Variants in ABCD4 observed in about 807,000 individuals in gnomAD.
The protein encoded by ABCD4 is lysosomal cobalamin transporter ABCD4.
Under a neutral mutation model 86.3 loss-of-function variants are expected in ABCD4, and 53 were observed. The observed-to-expected ratio is 0.61, with a 90% confidence interval of 0.49 to 0.77. The LOEUF (loss-of-function observed/expected upper bound fraction) is 0.77, where lower values mean the gene tolerates loss of function less well. Among genes scored for constraint, ABCD4 ranks in the 30% least tolerant of loss-of-function variants. The pLI is 0.00. For synonymous variants in ABCD4, 328 were observed against 313.6 expected (o/e 1.05, Z -0.49); for missense variants, 757 against 764.5 (o/e 0.99, Z 0.12).
At chr14:74,288,585 G>A (rs1594823694) in intron 15 of ABCD4, 131 bp downstream of exon 15, 1 of 1,043,476 alleles carries the variant, frequency 9.6e-7, no homozygotes, top group Non-Finnish European at 1.4e-6. Context: ...ACTGTCAACT[G>A]ATACTCCCAT....
intron 2 of ABCD4, 185 bp from the exon 3 acceptor site, chr14:74,299,860 G>A (rs1020819149): frequency 4.3e-5 from 26 of 602,950 alleles, no homozygotes; most frequent in Non-Finnish European, 7.0e-5. Context: ...TCATGAGTTC[G>A]AGATCAGCCT....
chr14:74,293,356 G>A, intron 7 of ABCD4, 108 bp from the exon 8 acceptor site: 4 of 983,014 alleles, frequency 4.1e-6, no homozygotes, highest in Non-Finnish European at 6.2e-6. Context: ...CCATTCAAAT[G>A]ATCTTGGTCT....
At chr14:74,289,619 G>C in intron 13 of ABCD4, 100 bp from the exon 14 acceptor site, 1 of 1,541,088 alleles carries the variant, frequency 6.5e-7, no homozygotes, top group Non-Finnish European at 8.7e-7. Context: ...ACCTCCCAAG[G>C]AGGAGAGGTG....
chr14:74,288,382 G>T, intron 15 of ABCD4, 123 bp from the exon 16 acceptor site: 2 of 931,962 alleles, frequency 2.1e-6, no homozygotes, highest in Non-Finnish European at 1.6e-6. Flanking sequence ...ATGCCCCAGT[G>T]GCATACCAAG....
At chr14:74,301,963 A>G (rs1172268801) in intron 1 of ABCD4, among the ~76,000 whole-genome samples, 3 of 151,710 alleles carry the variant, frequency 2.0e-5, no homozygotes, top group Non-Finnish European at 4.4e-5. Context: ...CACCCCCCAG[A>G]CTGATAAACA....
At chr14:74,302,722 G>A (rs1292925436) in intron 1 of ABCD4, among the ~76,000 whole-genome samples, 153 bp downstream of exon 1, 1 of 152,232 alleles carries the variant, frequency 6.6e-6, no homozygotes, top group Admixed American at 6.5e-5. Context: ...GCGGGAGGGC[G>A]GACGCCCCTT....
chr14:74,289,487 G>A lies in ABCD4; in HGVS notation c.1452C>T (p.Asp484=). Residue 484 remains aspartate (D), a synonymous_variant, in exon 14 of 19, where the codon GAC becomes GAT. Coordinates refer to ENST00000356924, the MANE Select transcript of ABCD4 (RefSeq NM_005050.4). ...VIYPLKEVYP[D]SGSADDERIL... is the part of the protein sequence containing the mutation. ...ACCTAAGGAGGACCAGCTCACCTGA[G>A]TCGGGGTAGACCTCCTTCAGGGGAT... The A allele has an allele frequency of 1.9e-6, 3 of 1,613,886 alleles. No individual in the cohort carries two copies. The highest frequency in any genetic ancestry group is 2.5e-6 in the Non-Finnish European group (3 of 1,179,964).
rs780413091 is a variant in ABCD4, at chr14:74,300,202, C to T, written c.105G>A (p.Trp35Ter). Reference sequence around the variant, plus strand: ...GGAACATCAAGGCATTTTGTGATGACCAAGAAGGAAACAAAACCTTCAGTA... The same window carrying T: ...GGAACATCAAGGCATTTTGTGATGATCAAGAAGGAAACAAAACCTTCAGTA... ...LQILKVLFPS[W>*]SSQNALMFLT... Residue 35 changes from tryptophan to a stop codon, truncating the protein, a stop_gained, in exon 2 of 19, where the codon TGG (tryptophan) becomes TGA (stop). Coordinates refer to ENST00000356924, the MANE Select transcript of ABCD4 (RefSeq NM_005050.4). LOFTEE classifies it high-confidence loss of function. The T allele has an allele frequency of 3.1e-6, 5 of 1,613,582 alleles. No individual in the cohort carries two copies. The highest frequency in any genetic ancestry group is 4.2e-6 in the Non-Finnish European group (5 of 1,179,862).
intron 17 of ABCD4, among the ~76,000 whole-genome samples, chr14:74,287,577 A>G (rs1158593845): frequency 1.3e-5 from 2 of 151,306 alleles, no homozygotes; most frequent in East Asian, 1.9e-4. Context: ...AAAAGAAAAG[A>G]AAAAAGAAAA....
At chr14:74,298,180 C>T in intron 3 of ABCD4, 111 bp from the exon 4 acceptor site, 2 of 1,500,914 alleles carry the variant, frequency 1.3e-6, no homozygotes, top group Non-Finnish European at 1.8e-6. Flanking sequence ...CACTCTGACT[C>T]TGATTACTCC....
Position 74,292,794 on chromosome 14 carries a change from A to AC in ABCD4, c.889dup (p.Val297GlyfsTer11). ...CTCTGCGGGACTCAGGTCTCCATAG[A>AC]CCCCGCTGAAAATGGGGATTGCGAT... On this transcript the variant is annotated frameshift_variant, in exon 9 of 19. Transcript: ENST00000356924. LOFTEE classifies it high-confidence loss of function. The AC allele has an allele frequency of 6.2e-7, 1 of 1,613,908 alleles. No homozygotes were observed. The highest frequency in any genetic ancestry group is 1.3e-5 in the African/African-American group (1 of 74,950).
At chr14:74,302,812 A>G (rs2140171543) in intron 1 of ABCD4, 63 bp downstream of exon 1, 1 of 1,506,372 alleles carries the variant, frequency 6.6e-7, no homozygotes, top group Non-Finnish European at 8.9e-7. Context: ...GAGGGCAGGA[A>G]AGCCCATTCC....
At chr14:74,289,249 G>A (rs1318569402) in intron 14 of ABCD4, 8 of 1,353,274 alleles carry the variant, frequency 5.9e-6, no homozygotes, top group Non-Finnish European at 6.6e-6. Flanking sequence ...GTGGGTGAAG[G>A]AAGGCATCAC....
At chr14:74,289,717 G>A in intron 13 of ABCD4, 198 bp from the exon 14 acceptor site, 2 of 1,437,942 alleles carry the variant, frequency 1.4e-6, no homozygotes, top group Non-Finnish European at 9.1e-7. Flanking sequence ...TGTGTTTAGG[G>A]GGAACAGTCT....
chr14:74,292,673 C>T, intron 9 of ABCD4, 31 bp from the exon 10 acceptor site: 1 of 1,613,956 alleles, frequency 6.2e-7, no homozygotes, highest in African/African-American at 1.3e-5. Context: ...TCAAGCAGGT[C>T]TCGACTCGAG....
intron 2 of ABCD4, 21 bp downstream of exon 2, chr14:74,300,124 CCTCTA>C (rs766977752): frequency 1.4e-6 from 2 of 1,404,770 alleles, no homozygotes; most frequent in South Asian, 2.4e-5. Flanking sequence ...TCCCCTCCCT[CCTCTA>C]GTCTGGGCTC....
chr14:74,297,584 G>T, intron 4 of ABCD4: 2 of 367,630 alleles, frequency 5.4e-6, no homozygotes, highest in Non-Finnish European at 7.7e-6. Flanking sequence ...AGAGATGGGG[G>T]TTTCTGCTAT....
In ABCD4 at chr14:74,297,957, T is replaced by A. The variant is rs750827619; in HGVS notation, c.398A>T (p.Asn133Ile). ...YFRGRAYYTLNVLRDDIDNPD... is the reference protein window; with the variant it reads ...YFRGRAYYTLIVLRDDIDNPD... ...GTTATCGATGTCATCCCGCAGCACGTTGAGGGTGTAGTACGCACGGCCCCG... is the reference window on the plus strand; with the variant it reads ...GTTATCGATGTCATCCCGCAGCACGATGAGGGTGTAGTACGCACGGCCCCG... Residue 133 changes from asparagine to isoleucine, a missense_variant, in exon 4 of 19, where the codon AAC becomes ATC. Coordinates refer to ENST00000356924, the MANE Select transcript of ABCD4 (RefSeq NM_005050.4). 2.5e-6 allele frequency: 4 copies of A among 1,613,534 alleles called. No individual in the cohort carries two copies. The South Asian group carries it at 4.4e-5, about 18-fold the overall frequency.
At chr14:74,292,457 T>G (rs958503782) in intron 10 of ABCD4, 81 bp from the exon 11 acceptor site, 2 of 1,587,108 alleles carry the variant, frequency 1.3e-6, no homozygotes, top group African/African-American at 2.7e-5. Flanking sequence ...CACCCACGAG[T>G]ACATGGTATG....
Sources: gnomAD v4.1 joint callset for allele counts (sites outside exome capture counted in the v4.1 genomes callset) on GRCh38, gnomAD v4.1.1 for gene constraint, MANE v1.5 for transcripts, NCBI Gene and HGNC (gene_info 2026-07-23, HGNC 2026-07-21) for gene names.